Variants in PIKFYVE observed in about 807,000 individuals in gnomAD.
The protein encoded by PIKFYVE is 1-phosphatidylinositol 3-phosphate 5-kinase.
A neutral mutation model predicts 257.9 loss-of-function variants in PIKFYVE; 122 were observed. That is an observed-to-expected ratio of 0.47 (90% CI 0.41 to 0.55). The LOEUF is 0.55. Among genes scored for constraint, PIKFYVE ranks in the 20% least tolerant of loss-of-function variants. The pLI is 0.00. For missense variants in PIKFYVE, 2,160 were observed against 2,536.6 expected (o/e 0.85, Z 3.19); for synonymous variants, 892 against 868.9 (o/e 1.03, Z -0.47).
rs1002775865 is a variant in PIKFYVE, at chr2:208,356,760, G to C, written c.*1455G>C. 6.6e-6 allele frequency: 1 copy of C among 152,586 alleles called. No homozygotes were observed. The highest frequency in any genetic ancestry group is 2.4e-5 in the African/African-American group (1 of 41,430). The allele number at this position is 152,586 out of a possible 1,614,324, so 9.5% of individuals were successfully genotyped here. ...TGATCAGAAGTAGTAAACTATCTTT[G>C]AGGAAATACTGTAACCCCAGAATAT... On this transcript the variant is annotated 3_prime_UTR_variant, in exon 42 of 42. Coordinates refer to ENST00000264380, the MANE Select transcript of PIKFYVE (RefSeq NM_015040.4).
At chr2:208,319,794 T>C (rs1181194844) in intron 16 of PIKFYVE, among the ~76,000 whole-genome samples, 3 of 152,204 alleles carry the variant, frequency 2.0e-5, no homozygotes, top group Non-Finnish European at 2.9e-5. Context: ...GTTTGGAAAT[T>C]TATTCTATTA....
At chr2:208,350,272 T>G (rs1469941) in intron 36 of PIKFYVE, among the ~76,000 whole-genome samples, 189 bp downstream of exon 36, 22 of 152,040 alleles carry the variant, frequency 1.4e-4, no homozygotes, top group African/African-American at 5.1e-4. Flanking sequence ...TATAAAGAAA[T>G]TTAATCAAAA....
intron 24 of PIKFYVE, among the ~76,000 whole-genome samples, chr2:208,334,789 A>G (rs1697950138): frequency 6.6e-6 from 1 of 152,222 alleles, no homozygotes. Flanking sequence ...AGTGTCTGGC[A>G]CATAATAGAC....
chr2:208,295,417 G>GT (rs1321893818), intron 7 of PIKFYVE, among the ~76,000 whole-genome samples: 1 of 152,032 alleles, frequency 6.6e-6, no homozygotes, highest in Non-Finnish European at 1.5e-5. Context: ...TCCTAATAAT[G>GT]TTTTTTTGTA....
At position 208,336,107 on chromosome 2, in the gene PIKFYVE, C is replaced by T. The variant is rs888756066; in HGVS notation, c.4427C>T (p.Ser1476Phe). The T allele has an allele frequency of 3.7e-6, 6 of 1,613,950 alleles. No homozygotes were observed. The East Asian group carries it at 8.9e-5, about 24-fold the overall frequency. Residue 1476 changes from serine (S) to phenylalanine (F), a missense_variant, in exon 27 of 42, where the codon TCT becomes TTT. Transcript: ENST00000264380. ...ATGCAAGCAAGGCTCATGTCTTCCT[C>T]TGTAGATACCCCTCAGCAACTGCAG... Reference protein sequence around the residue: ...EKMQARLMSSSVDTPQQLQSV... With the variant: ...EKMQARLMSSFVDTPQQLQSV...
At position 208,317,927 on chromosome 2, in the gene PIKFYVE, A is replaced by C; in HGVS notation, c.2068A>C (p.Ile690Leu). Residue 690 changes from isoleucine to leucine, a missense_variant, in exon 16 of 42, where the codon ATT becomes CTT. Physicochemically the swap from Ile to Leu is conservative, Grantham distance 5 (BLOSUM62 2). Transcript: ENST00000264380. The part of the protein sequence containing the change: ...VVNGFVCTKN[I>L]AHKKMSSCIK... ...CAATGGCTTTGTTTGTACCAAGAAC[A>C]TTGCACATAAAAAGGTAATGTGATT... The C allele has an allele frequency of 6.2e-7, 1 of 1,613,804 alleles. No individual in the cohort carries two copies. Among genetic ancestry groups the C allele is most frequent in the Non-Finnish European group, 8.5e-7 (1 of 1,179,660 alleles).
At chr2:208,332,676 A>G (rs530730314) in intron 23 of PIKFYVE, among the ~76,000 whole-genome samples, 1 of 152,280 alleles carries the variant, frequency 6.6e-6, no homozygotes, top group East Asian at 1.9e-4. Flanking sequence ...ATTGCTAAGT[A>G]AAAGATTATG....
At chr2:208,274,511 C>T (rs774285225) in intron 3 of PIKFYVE, among the ~76,000 whole-genome samples, 1 of 152,066 alleles carries the variant, frequency 6.6e-6, no homozygotes, top group African/African-American at 2.4e-5. Context: ...CTGATCTTCC[C>T]CCAGATAGTG....
chr2:208,357,545 A>G lies in PIKFYVE; in HGVS notation c.*2240A>G, dbSNP rs1700228346. ...TCTAGTAGGTAACTTTGTGGCAAAA[A>G]TTTTCAATATAATACATTCTGAAAC... On this transcript the variant is annotated 3_prime_UTR_variant, in exon 42 of 42. Transcript: ENST00000264380. 1 of 152,190 alleles carries G rather than the reference A, an allele frequency of 6.6e-6. No homozygotes were observed. The highest frequency in any genetic ancestry group is 1.5e-5 in the Non-Finnish European group (1 of 68,046). 9.4% of individuals were successfully genotyped at this position (152,190 alleles called of 1,614,324 possible).
chr2:208,329,279 A>G (rs183245572), intron 21 of PIKFYVE, among the ~76,000 whole-genome samples: 3 of 152,258 alleles, frequency 2.0e-5, no homozygotes, highest in African/African-American at 7.2e-5. Flanking sequence ...GGGTTCTTCT[A>G]GTAGTATAGC....
chr2:208,274,564 C>G (rs534510094), intron 3 of PIKFYVE, among the ~76,000 whole-genome samples: 4 of 152,196 alleles, frequency 2.6e-5, no homozygotes, highest in Admixed American at 2.6e-4. Flanking sequence ...CAGACTTGGT[C>G]AGCCAGAACA....
intron 38 of PIKFYVE, among the ~76,000 whole-genome samples, chr2:208,352,081 A>G (rs1699825264): frequency 6.6e-6 from 1 of 152,236 alleles, no homozygotes; most frequent in African/African-American, 2.4e-5. Context: ...GAACCAAGTG[A>G]TCTTGAGCAA....
chr2:208,346,282 ATATTT>A, intron 34 of PIKFYVE, 135 bp downstream of exon 34: 2 of 772,730 alleles, frequency 2.6e-6, no homozygotes, highest in Non-Finnish European at 4.4e-6. Flanking sequence ...ACAAATTTAG[ATATTT>A]TTGTATGCCC....
chr2:208,303,670 A>G (rs975038312), intron 10 of PIKFYVE, among the ~76,000 whole-genome samples: 1 of 152,206 alleles, frequency 6.6e-6, no homozygotes, highest in Non-Finnish European at 1.5e-5. Context: ...GAAAATCCAC[A>G]TATAAGTAGA....
intron 35 of PIKFYVE, 117 bp from the exon 36 acceptor site, chr2:208,349,907 G>T: frequency 6.9e-7 from 1 of 1,450,654 alleles, no homozygotes; most frequent in Non-Finnish European, 9.3e-7. Flanking sequence ...ACTTGAGTAG[G>T]ATATTTTTAC....
intron 1 of PIKFYVE, 107 bp from the exon 2 acceptor site, chr2:208,271,404 C>CT: frequency 9.3e-7 from 1 of 1,074,528 alleles, no homozygotes; most frequent in Non-Finnish European, 1.4e-6. Flanking sequence ...TTTTCATAGT[C>CT]TGACTTTTCA....
At chr2:208,275,086 G>A (rs1388966943) in intron 3 of PIKFYVE, among the ~76,000 whole-genome samples, 1 of 152,336 alleles carries the variant, frequency 6.6e-6, no homozygotes, top group South Asian at 2.1e-4. Context: ...AGCTTCAGAA[G>A]CCTGGTGTTA....
At chr2:208,328,350 CA>C in intron 21 of PIKFYVE, 70 bp downstream of exon 21, 1 of 1,591,346 alleles carries the variant, frequency 6.3e-7, no homozygotes, top group Non-Finnish European at 8.6e-7. Flanking sequence ...AAAACAAAAA[CA>C]AAAAAACAGT....
At chr2:208,266,542 CTG>C (rs1688652917) in intron 1 of PIKFYVE, 127 bp downstream of exon 1, 2 of 152,762 alleles carry the variant, frequency 1.3e-5, no homozygotes, top group African/African-American at 4.8e-5. Flanking sequence ...GGGCTAGGGC[CTG>C]GCTGCCGGCT....
Sources: allele counts gnomAD v4.1 joint callset (sites outside exome capture counted in the v4.1 genomes callset), GRCh38; gene constraint gnomAD v4.1.1; transcripts MANE v1.5; gene names NCBI Gene and HGNC (gene_info 2026-07-23, HGNC 2026-07-21).